The following COL19A1 variants were observed in gnomAD, a reference collection of about 807,000 sequenced individuals.
COL19A1 encodes collagen type XIX alpha 1 chain.
A neutral mutation model predicts 190.2 loss-of-function variants in COL19A1; 159 were observed. The observed-to-expected ratio is 0.84, with a 90% CI of 0.73 to 0.95. COL19A1 has a LOEUF of 0.95. Among genes scored for constraint, COL19A1 ranks in the 40% least tolerant of loss-of-function variants. COL19A1 has a pLI of 0.00. For missense variants in COL19A1, 1,418 were observed against 1,431.9 expected, an observed-to-expected ratio of 0.99 and a Z score of 0.16; for synonymous variants, 509 against 458.9, an observed-to-expected ratio of 1.11 and a Z score of -1.39.
intron 11 of COL19A1, among the ~76,000 whole-genome samples, chr6:69,963,205 T>C (rs1185904800): frequency 6.6e-6 from 1 of 152,210 alleles, no homozygotes; most frequent in Admixed American, 6.5e-5. Context: ...TAAATGTTTG[T>C]TTTTATGTAC....
intron 13 of COL19A1, among the ~76,000 whole-genome samples, chr6:70,035,559 C>G (rs542690032): frequency 6.6e-6 from 1 of 152,040 alleles, no homozygotes; most frequent in Non-Finnish European, 1.5e-5. Context: ...TATCTATCGC[C>G]GTGACACTTC....
At chr6:70,053,074 T>C (rs1383731855) in intron 14 of COL19A1, among the ~76,000 whole-genome samples, 1 of 152,200 alleles carries the variant, frequency 6.6e-6, no homozygotes, top group Non-Finnish European at 1.5e-5. Flanking sequence ...AAAGAATGTA[T>C]TGAAATGATA....
intron 11 of COL19A1, among the ~76,000 whole-genome samples, chr6:69,964,978 A>G (rs932212421): frequency 2.0e-5 from 3 of 152,182 alleles, no homozygotes; most frequent in Non-Finnish European, 4.4e-5. Flanking sequence ...GTATTTTTTC[A>G]TGAGATAAAT....
intron 11 of COL19A1, among the ~76,000 whole-genome samples, chr6:69,985,426 G>A (rs1049296528): frequency 1.3e-5 from 2 of 152,076 alleles, no homozygotes; most frequent in East Asian, 1.9e-4. Flanking sequence ...ATTAGCAAAG[G>A]GGGTGAAGGA....
At chr6:69,887,412 T>TG (rs569613133) in intron 2 of COL19A1, among the ~76,000 whole-genome samples, 22 of 152,210 alleles carry the variant, frequency 1.4e-4, no homozygotes, top group Non-Finnish European at 2.9e-4. Context: ...CTCCTTTTGT[T>TG]GAGATATTAC....
intron 2 of COL19A1, among the ~76,000 whole-genome samples, chr6:69,896,329 A>C (rs1035789975): frequency 6.6e-6 from 1 of 151,564 alleles, no homozygotes; most frequent in Non-Finnish European, 1.5e-5. Flanking sequence ...TGAGGTCAGG[A>C]GATCGAGACC....
chr6:70,142,924 C>A, intron 23 of COL19A1, 104 bp downstream of exon 23: 3 of 1,054,026 alleles, frequency 2.8e-6, no homozygotes, highest in East Asian at 2.5e-5. Flanking sequence ...CCTCATTTCC[C>A]AAAGACATGG....
At chr6:70,060,826 A>C (rs1294963670) in intron 14 of COL19A1, among the ~76,000 whole-genome samples, 1 of 152,158 alleles carries the variant, frequency 6.6e-6, no homozygotes, top group African/African-American at 2.4e-5. Context: ...TCCTGAAACC[A>C]TGCCCCCATC....
At position 70,176,383 on chromosome 6, in the gene COL19A1, A is replaced by AC. The variant is rs556877843; in HGVS notation, c.2623-133dup. ...ATTTTTCCATCTACACACTAGCTTCACCCCATCTAATATCAATAACACTTA... is the reference window on the plus strand; with the variant it reads ...ATTTTTCCATCTACACACTAGCTTCACCCCCATCTAATATCAATAACACTTA... On this transcript the variant is annotated intron_variant, in intron 41 of 50. Transcript: ENST00000620364. 171 of 708,594 alleles carry AC rather than the reference A, an allele frequency of 2.4e-4. 1 individual carries two copies. Among genetic ancestry groups the AC allele is most frequent in the Middle Eastern group, 4.2e-4 (1 of 2,404 alleles). The allele number at this position is 708,594 out of a possible 1,614,324, so 43.9% of individuals were successfully genotyped here.
intron 4 of COL19A1, among the ~76,000 whole-genome samples, chr6:69,926,382 G>A (rs1772398354): frequency 1.3e-5 from 2 of 151,882 alleles, no homozygotes; most frequent in Admixed American, 1.3e-4. Context: ...GTAACTAAAG[G>A]AAACTGTAAT....
At chr6:70,189,704 C>T (rs767970027) in intron 47 of COL19A1, among the ~76,000 whole-genome samples, 16 of 152,174 alleles carry the variant, frequency 1.1e-4, no homozygotes, top group Admixed American at 9.8e-4. Context: ...ACATTATTTG[C>T]CTGCTTCCTT....
At position 70,192,569 on chromosome 6, in the gene COL19A1, A is replaced by G. The variant is rs75798553; in HGVS notation, c.3094+2188A>G. Among the ~76,000 whole-genome samples the G allele has an allele frequency of 7.6e-3, 1,099 of 145,520 alleles. 6 individuals are homozygous for G. Among genetic ancestry groups the G allele is most frequent in the Non-Finnish European group, 0.013 (834 of 65,860 alleles). ...TCTAAACTTTGCTTTCCAAACACTC[A>G]TTTCCCCGTCAGGAAGTTTGAAAAA... On this transcript the variant is annotated intron_variant, in intron 48 of 50. Transcript: ENST00000620364.
At chr6:70,170,039 A>G (rs12210719) in intron 40 of COL19A1, among the ~76,000 whole-genome samples, 23,453 of 152,216 alleles carry the variant, frequency 0.15, 2,289 homozygotes, top group Non-Finnish European at 0.22. Flanking sequence ...TTAGTCTTCA[A>G]ATTTCTTAGC....
chr6:70,163,316 T>C, intron 35 of COL19A1, 27 bp from the exon 36 acceptor site: 1 of 1,606,912 alleles, frequency 6.2e-7, no homozygotes, highest in Non-Finnish European at 8.5e-7. Context: ...GTTGTTTCTG[T>C]AACAAACTTA....
intron 37 of COL19A1, among the ~76,000 whole-genome samples, chr6:70,166,394 C>T (rs1342795886): frequency 1.3e-5 from 2 of 152,226 alleles, no homozygotes; most frequent in Admixed American, 1.3e-4. Context: ...CATTCCCATT[C>T]ATGATGTCTG....
At chr6:70,072,620 T>G (rs1781625049) in intron 15 of COL19A1, among the ~76,000 whole-genome samples, 1 of 152,164 alleles carries the variant, frequency 6.6e-6, no homozygotes. Context: ...ACCATCCTCT[T>G]GATTGCCTCC....
intron 15 of COL19A1, among the ~76,000 whole-genome samples, chr6:70,071,045 G>A (rs1019928513): frequency 6.6e-6 from 1 of 152,026 alleles, no homozygotes; most frequent in Non-Finnish European, 1.5e-5. Flanking sequence ...TTTAATTAAA[G>A]CAGAACATTT....
At chr6:69,943,479 CCTAGA>C (rs751273010) in intron 9 of COL19A1, among the ~76,000 whole-genome samples, 3 of 152,092 alleles carry the variant, frequency 2.0e-5, no homozygotes, top group Non-Finnish European at 4.4e-5. Context: ...AAAATCTTTG[CCTAGA>C]CTAATGTACC....
chr6:70,146,833 G>A lies in COL19A1; in HGVS notation c.1837G>A (p.Val613Ile). 1 of 1,598,392 alleles carries A rather than the reference G, an allele frequency of 6.3e-7. No homozygotes were observed. The highest frequency in any genetic ancestry group is 2.3e-5 in the East Asian group (1 of 44,290). ...ACAGGGTGAAAGAGGACTTCCAGGT[G>A]TTCACGGTTCCCCAGGGGACATAGG... is the stretch of plus-strand genomic sequence containing the variant. ...GPKGERGLPG[V>I]HGSPGDIGPQ... Residue 613 changes from valine (V) to isoleucine (I), a missense_variant, in exon 27 of 51, where the codon GTT becomes ATT. Physicochemically the swap from Val to Ile is conservative, Grantham distance 29. Coordinates refer to ENST00000620364, the MANE Select transcript of COL19A1 (RefSeq NM_001858.6).
Sources: allele counts gnomAD v4.1 joint callset (sites outside exome capture counted in the v4.1 genomes callset), GRCh38; gene constraint gnomAD v4.1.1; transcripts MANE v1.5; gene names NCBI Gene and HGNC (gene_info 2026-07-23, HGNC 2026-07-21).